The following LARS2 variants were observed in gnomAD, a reference collection of about 807,000 sequenced individuals.
LARS2 encodes leucyl-tRNA synthetase 2, mitochondrial.
In LARS2, 81 loss-of-function variants were observed where a neutral mutation model predicts 116.6. The ratio of observed to expected loss-of-function variants is 0.69; its 90% confidence interval spans 0.58 to 0.84. The LOEUF (loss-of-function observed/expected upper bound fraction) is 0.84, where lower values mean the gene tolerates loss of function less well. LARS2 is among the 40% of genes least tolerant of loss of function. LARS2 has a pLI of 0.00. For synonymous variants in LARS2, 396 were observed against 407.2 expected, an observed-to-expected ratio of 0.97 and a Z score of 0.33; for missense variants, 968 against 1,114.5, an observed-to-expected ratio of 0.87 and a Z score of 1.87.
At chr3:45,401,835 T>C (rs527397774) in intron 4 of LARS2, among the ~76,000 whole-genome samples, 1 of 152,218 alleles carries the variant, frequency 6.6e-6, no homozygotes, top group African/African-American at 2.4e-5. Flanking sequence ...AGGCATGTCT[T>C]GAACCCCTGG....
At chr3:45,472,249 A>G (rs1323699633) in intron 8 of LARS2, among the ~76,000 whole-genome samples, 3 of 152,210 alleles carry the variant, frequency 2.0e-5, no homozygotes, top group Non-Finnish European at 2.9e-5. Flanking sequence ...CATTTAAGCC[A>G]GTTGATCCTG....
Position 45,423,791 on chromosome 3 carries a change from T to G in LARS2, c.516+4062T>G, listed in dbSNP as rs184287783. ...CTTTGTTTTAACTCTTGGTTTGGTG[T>G]GATCTTCGCCCAGGTGTCACAGGTT... On this transcript the variant is annotated intron_variant, in intron 6 of 21. Transcript: ENST00000645846. Among the ~76,000 whole-genome samples the G allele has an allele frequency of 3.9e-4, 59 of 152,342 alleles. No homozygotes were observed. In the East Asian group the frequency reaches 9.4e-3, roughly 24 times the overall value.
At chr3:45,390,086 A>AC (rs1349883363) in intron 1 of LARS2, among the ~76,000 whole-genome samples, 1 of 149,698 alleles carries the variant, frequency 6.7e-6, no homozygotes, top group Non-Finnish European at 1.5e-5. Flanking sequence ...ATTGCCCCCC[A>AC]CCCCCCAAAA....
rs775470574 is a variant in LARS2, at chr3:45,549,084, T to C, written c.*1554T>C. On this transcript the variant is annotated 3_prime_UTR_variant, in exon 22 of 22. Transcript: ENST00000645846. ...TGGTTCTCAGACTTAATACTCTGCC[T>C]GGTCCTCATGCCCAGATATTCCAAT... The C allele has an allele frequency of 6.6e-6, 1 of 152,270 alleles. No homozygotes were observed. Among genetic ancestry groups the C allele is most frequent in the Admixed American group, 6.5e-5 (1 of 15,288 alleles). 9.4% of individuals were successfully genotyped at this position (152,270 alleles called of 1,614,324 possible). A position where few individuals can be genotyped will look rare whatever the true frequency, so the allele number is the denominator to read the frequency against.
intron 19 of LARS2, among the ~76,000 whole-genome samples, chr3:45,522,174 G>A (rs558986034): frequency 6.6e-6 from 1 of 152,158 alleles, no homozygotes; most frequent in Non-Finnish European, 1.5e-5. Flanking sequence ...ACTTTTACAC[G>A]CCAGTGATAG....
chr3:45,516,103 C>A lies in LARS2; in HGVS notation c.1871C>A (p.Pro624His). The change falls in exon 17 of 22, where the codon CCT becomes CAT. Residue 624 changes from proline (P) to histidine (H), a missense_variant. By Grantham distance (77) the Pro-to-His change is moderately conservative. Transcript: ENST00000645846. Reference sequence around the variant, plus strand: ...TTATTTTGGCATCTAGGTTCCGTTCCTGTTCATGCAAAAACGAAAGAGAAG... The same window carrying A: ...TTATTTTGGCATCTAGGTTCCGTTCATGTTCATGCAAAAACGAAAGAGAAG... Reference protein sequence around the residue: ...REEVDLTGSVPVHAKTKEKLE... With the variant: ...REEVDLTGSVHVHAKTKEKLE... The A allele has an allele frequency of 6.2e-7, 1 of 1,613,942 alleles. No individual in the cohort carries two copies. The highest frequency in any genetic ancestry group is 8.5e-7 in the Non-Finnish European group (1 of 1,179,890).
At chr3:45,499,719 C>G (rs1416030699) in intron 14 of LARS2, among the ~76,000 whole-genome samples, 1 of 152,068 alleles carries the variant, frequency 6.6e-6, no homozygotes. Flanking sequence ...CCACATTGCC[C>G]TCTATTGGTA....
chr3:45,441,015 C>T (rs1698897857), intron 6 of LARS2, among the ~76,000 whole-genome samples: 1 of 132,684 alleles, frequency 7.5e-6, no homozygotes, highest in African/African-American at 2.6e-5. Context: ...CCCCTGCCAT[C>T]ACACACTCTT....
At chr3:45,511,618 C>G (rs1365850434) in intron 15 of LARS2, among the ~76,000 whole-genome samples, 1 of 151,856 alleles carries the variant, frequency 6.6e-6, no homozygotes, top group East Asian at 1.9e-4. Context: ...AAGTTGCAGC[C>G]TTAGGCTGAA....
chr3:45,446,006 C>T (rs1212547434), intron 6 of LARS2, among the ~76,000 whole-genome samples: 5 of 152,092 alleles, frequency 3.3e-5, no homozygotes, highest in African/African-American at 7.2e-5. Flanking sequence ...CCCAGGAGTT[C>T]GAGACTACAG....
chr3:45,407,375 G>A (rs1267563422), intron 4 of LARS2, among the ~76,000 whole-genome samples: 1 of 152,124 alleles, frequency 6.6e-6, no homozygotes, highest in Admixed American at 6.5e-5. Context: ...AATTTCCAGG[G>A]CATATTCTCT....
intron 7 of LARS2, among the ~76,000 whole-genome samples, chr3:45,449,156 ATTTTT>A (rs1161349903): frequency 1.9e-5 from 2 of 102,934 alleles, no homozygotes; most frequent in African/African-American, 3.8e-5. Flanking sequence ...TTAACTCACT[ATTTTT>A]TTTTTTTTTT....
At chr3:45,388,831 T>A (rs1276360490) in intron 1 of LARS2, 151 bp downstream of exon 1, 1 of 152,192 alleles carries the variant, frequency 6.6e-6, no homozygotes. Context: ...AAACTGAAAA[T>A]ATCTGAGATC....
chr3:45,485,535 A>G (rs1447137839), intron 10 of LARS2, among the ~76,000 whole-genome samples, 157 bp from the exon 11 acceptor site: 1 of 152,216 alleles, frequency 6.6e-6, no homozygotes, highest in Non-Finnish European at 1.5e-5. Context: ...ACTGGTGTGA[A>G]TTATCTATTA....
At chr3:45,487,218 A>G (rs774431026) in intron 11 of LARS2, among the ~76,000 whole-genome samples, 1 of 152,230 alleles carries the variant, frequency 6.6e-6, no homozygotes, top group Non-Finnish European at 1.5e-5. Context: ...TTTAGAATGT[A>G]GTAAATGACT....
At chr3:45,527,875 G>A (rs1430617223) in intron 20 of LARS2, among the ~76,000 whole-genome samples, 1 of 152,176 alleles carries the variant, frequency 6.6e-6, no homozygotes, top group Middle Eastern at 3.2e-3. Context: ...TTGAACAGGA[G>A]AATAATATGG....
At chr3:45,417,378 A>T in intron 4 of LARS2, 104 bp from the exon 5 acceptor site, 2 of 846,676 alleles carry the variant, frequency 2.4e-6, no homozygotes, top group Non-Finnish European at 3.9e-6. Context: ...CCAGCAAAAG[A>T]TAAGGCATGT....
chr3:45,424,202 C>T (rs1395756457), intron 6 of LARS2, among the ~76,000 whole-genome samples: 1 of 152,158 alleles, frequency 6.6e-6, no homozygotes, highest in Non-Finnish European at 1.5e-5. Flanking sequence ...AGTGAGGTTA[C>T]ATCACAATAA....
chr3:45,479,147 C>T (rs375664542), intron 10 of LARS2, among the ~76,000 whole-genome samples: 15 of 152,124 alleles, frequency 9.9e-5, no homozygotes, highest in South Asian at 2.1e-4. Flanking sequence ...TTCTACATAT[C>T]GGCTCCTGAT....
Sources: allele counts gnomAD v4.1 joint callset (sites outside exome capture counted in the v4.1 genomes callset), GRCh38; gene constraint gnomAD v4.1.1; transcripts MANE v1.5; gene names NCBI Gene and HGNC (gene_info 2026-07-23, HGNC 2026-07-21).